Variants in NMNAT3 observed in about 807,000 individuals in gnomAD.
NMNAT3 encodes the protein nicotinamide nucleotide adenylyltransferase 3.
In NMNAT3, 21 loss-of-function variants were observed where a neutral mutation model predicts 24.8. The observed-to-expected ratio is 0.85, with a 90% CI of 0.60 to 1.22. The LOEUF (loss-of-function observed/expected upper bound fraction) is 1.22. NMNAT3 is among the 50% of genes most tolerant of loss of function. The pLI, the probability that NMNAT3 is intolerant of heterozygous loss-of-function variation, is 0.00. For synonymous variants in NMNAT3, 136 were observed against 155.2 expected, an observed-to-expected ratio of 0.88 and a Z score of 0.92; for missense variants, 387 against 436.6, an observed-to-expected ratio of 0.89 and a Z score of 1.01.
At chr3:139,659,431 G>A (rs2057346517) in intron 1 of NMNAT3, among the ~76,000 whole-genome samples, 1 of 152,198 alleles carries the variant, frequency 6.6e-6, no homozygotes, top group African/African-American at 2.4e-5. Flanking sequence ...CTTCAGGTGA[G>A]AACTTAAAAA....
chr3:139,618,781 G>A lies in NMNAT3; in HGVS notation c.109+8835C>T, dbSNP rs563323251. ...TGTCCTTGGAAAGAAGATGGTTCGG[G>A]TTATGGCTCGGTGCACAGATCAGCT... is the stretch of plus-strand genomic sequence containing the variant. On this transcript the variant is annotated intron_variant, in intron 3 of 6. Transcript: ENST00000643695. Among the ~76,000 whole-genome samples, 69 of 152,298 alleles carry A rather than the reference G, an allele frequency of 4.5e-4. 2 individuals carry two copies. Among genetic ancestry groups the A allele is most frequent in the Middle Eastern group, 6.8e-3 (2 of 294 alleles).
At chr3:139,609,512 C>T (rs1252952501) in intron 3 of NMNAT3, among the ~76,000 whole-genome samples, 1 of 152,148 alleles carries the variant, frequency 6.6e-6, no homozygotes, top group Non-Finnish European at 1.5e-5. Flanking sequence ...TTCTCATGTG[C>T]TTATCCGCTA....
At chr3:139,611,761 C>G (rs74509916) in intron 3 of NMNAT3, among the ~76,000 whole-genome samples, 1 of 152,120 alleles carries the variant, frequency 6.6e-6, no homozygotes, top group Non-Finnish European at 1.5e-5. Context: ...GTATCCTGCC[C>G]GTGACAGGAC....
intron 3 of NMNAT3, among the ~76,000 whole-genome samples, chr3:139,608,176 C>T (rs180896101): frequency 7.9e-4 from 121 of 152,332 alleles, no homozygotes; most frequent in African/African-American, 2.8e-3. Flanking sequence ...CATATTAACC[C>T]TGGAGCTGCC....
intron 2 of NMNAT3, among the ~76,000 whole-genome samples, chr3:139,634,199 C>T (rs577442470): frequency 6.6e-6 from 1 of 152,322 alleles, no homozygotes; most frequent in South Asian, 2.1e-4. Flanking sequence ...GGTTAAGTGC[C>T]GTCACTGCAG....
At chr3:139,636,792 A>T (rs2056520175) in intron 2 of NMNAT3, 1 of 152,198 alleles carries the variant, frequency 6.6e-6, no homozygotes. Flanking sequence ...GCAGCTGTCA[A>T]CAAACTCAAG....
At chr3:139,576,367 C>T (rs1939308733) in intron 5 of NMNAT3, 1 of 628,754 alleles carries the variant, frequency 1.6e-6, no homozygotes, top group Non-Finnish European at 2.0e-6. Context: ...TTTGATAAAA[C>T]TGTGTTGACT....
chr3:139,592,397 AG>A lies in NMNAT3; in HGVS notation c.110-9190del, dbSNP rs935451482. On this transcript the variant is annotated intron_variant, in intron 3 of 6. Transcript: ENST00000643695. ...GGAACCAAGTTGGAAAACACTCTGC[AG>A]GATATTATCCAGGAGAACTTCCCCA... Among the ~76,000 whole-genome samples the A allele has an allele frequency of 2.8e-4, 42 of 152,344 alleles. 1 individual carries two copies. The South Asian group carries it at 7.9e-3, about 29-fold the overall frequency.
chr3:139,609,818 C>A (rs764302847), intron 3 of NMNAT3: 5 of 152,276 alleles, frequency 3.3e-5, no homozygotes, highest in Non-Finnish European at 4.4e-5. Flanking sequence ...TGGTCCCCCA[C>A]TCCCAGGAGG....
rs1235240634 is a variant in NMNAT3 at position 139,561,002 on chromosome 3, C to T, written c.*8G>A. 19 of 1,604,052 alleles carry T rather than the reference C, an allele frequency of 1.2e-5. No homozygotes were observed. Among genetic ancestry groups the T allele is most frequent in the Non-Finnish European group, 1.5e-5 (18 of 1,173,680 alleles). On this transcript the variant is annotated 3_prime_UTR_variant, in exon 7 of 7. Transcript: ENST00000643695. Reference sequence around the variant, plus strand: ...TTGGAGGAGGTGTGGGTGCTGAGTCCCCCCTCCCTAGCTTGTCTTGCCCTC... The same window carrying T: ...TTGGAGGAGGTGTGGGTGCTGAGTCTCCCCTCCCTAGCTTGTCTTGCCCTC...
At chr3:139,658,900 C>A (rs151010215) in intron 1 of NMNAT3, among the ~76,000 whole-genome samples, 1 of 152,082 alleles carries the variant, frequency 6.6e-6, no homozygotes, top group African/African-American at 2.4e-5. Context: ...TTACCCTGAA[C>A]GTCCCCTTGT....
Position 139,561,287 on chromosome 3 carries a change from C to T in NMNAT3, c.764G>A (p.Gly255Asp), listed in dbSNP as rs1250863439. ...ACCTACTCGGCCCACGCACACCAAG[C>T]CAAACTTCTCCACTATTTCCTGGAT... Residue 255 changes from glycine (G) to aspartate (D), a missense_variant, in exon 7 of 7, where the codon GGC (glycine) becomes GAC (aspartate). Physicochemically the swap from Gly to Asp is moderately conservative, Grantham distance 94 (BLOSUM62 -1). Coordinates refer to ENST00000643695, the MANE Select transcript of NMNAT3 (RefSeq NM_001320510.2). 1 of 1,614,008 alleles carries T rather than the reference C, an allele frequency of 6.2e-7. No individual in the cohort carries two copies. Among genetic ancestry groups the T allele is most frequent in the South Asian group, 1.1e-5 (1 of 91,056 alleles).
intron 3 of NMNAT3, among the ~76,000 whole-genome samples, chr3:139,620,524 C>T (rs779399288): frequency 9.2e-5 from 14 of 151,930 alleles, no homozygotes; most frequent in Non-Finnish European, 1.9e-4. Context: ...AATACTATTC[C>T]GTTGTATGCA....
At chr3:139,573,164 T>G (rs1938683833) in intron 6 of NMNAT3, among the ~76,000 whole-genome samples, 1 of 152,188 alleles carries the variant, frequency 6.6e-6, no homozygotes, top group South Asian at 2.1e-4. Flanking sequence ...AAAATAGGTT[T>G]CCTCTTTTGA....
intron 1 of NMNAT3, among the ~76,000 whole-genome samples, chr3:139,653,558 A>G (rs2057129954): frequency 6.6e-6 from 1 of 152,250 alleles, no homozygotes; most frequent in African/African-American, 2.4e-5. Flanking sequence ...GGAAACAAAC[A>G]GCTGACTGCT....
intron 6 of NMNAT3, among the ~76,000 whole-genome samples, chr3:139,571,879 GT>G (rs1370626723): frequency 6.6e-6 from 1 of 152,188 alleles, no homozygotes. Context: ...GCCTCAGTGT[GT>G]TGTCCCTCCT....
At chr3:139,609,781 C>T (rs1398465223) in intron 3 of NMNAT3, 1 of 152,136 alleles carries the variant, frequency 6.6e-6, no homozygotes, top group African/African-American at 2.4e-5. Context: ...TAACCAGGAC[C>T]TGTTCACCAC....
intron 5 of NMNAT3, among the ~76,000 whole-genome samples, chr3:139,576,613 C>T (rs1576544856): frequency 6.6e-6 from 1 of 152,172 alleles, no homozygotes; most frequent in African/African-American, 2.4e-5. Context: ...AAGCTGTGAG[C>T]TAGCCATATA....
At chr3:139,654,535 A>T (rs2057172674) in intron 1 of NMNAT3, among the ~76,000 whole-genome samples, 1 of 152,214 alleles carries the variant, frequency 6.6e-6, no homozygotes, top group South Asian at 2.1e-4. Flanking sequence ...AAAGCAGCAA[A>T]CACATTGCTG....
Sources: allele counts gnomAD v4.1 joint callset (sites outside exome capture counted in the v4.1 genomes callset), GRCh38; gene constraint gnomAD v4.1.1; transcripts MANE v1.5; gene names NCBI Gene and HGNC (gene_info 2026-07-23, HGNC 2026-07-21).